Variants in SIAH3 observed in about 807,000 individuals in gnomAD.
SIAH3 encodes the protein siah E3 ubiquitin protein ligase family member 3.
SIAH3 carries 9 observed loss-of-function variants against 12.6 expected under a neutral mutation model. The observed-to-expected ratio is 0.72, with a 90% CI of 0.43 to 1.25. The LOEUF is 1.25. Ranked by LOEUF, SIAH3 falls within the 50% of genes most tolerant of loss-of-function variation. SIAH3 has a pLI of 0.00. For synonymous variants in SIAH3, 154 were observed against 151.1 expected (o/e 1.02, Z -0.14); for missense variants, 390 against 365.4 (o/e 1.07, Z -0.55).
At chr13:45,801,179 G>A (rs1950581302) in intron 1 of SIAH3, among the ~76,000 whole-genome samples, 1 of 151,964 alleles carries the variant, frequency 6.6e-6, no homozygotes, top group African/African-American at 2.4e-5. Context: ...ATATGCTTTT[G>A]CAATATATGT....
At chr13:45,837,882 G>A (rs1017070653) in intron 1 of SIAH3, among the ~76,000 whole-genome samples, 1 of 152,192 alleles carries the variant, frequency 6.6e-6, no homozygotes, top group African/African-American at 2.4e-5. Flanking sequence ...CCAACATGTT[G>A]AGAAGTGTTT....
At chr13:45,800,952 T>A (rs150590322) in intron 1 of SIAH3, among the ~76,000 whole-genome samples, 378 of 152,242 alleles carry the variant, frequency 2.5e-3, no homozygotes, top group Non-Finnish European at 4.0e-3. Context: ...AAACCTCGCT[T>A]CCACAATGAT....
intron 1 of SIAH3, among the ~76,000 whole-genome samples, chr13:45,835,466 C>T (rs1439452223): frequency 6.6e-6 from 1 of 152,148 alleles, no homozygotes; most frequent in Non-Finnish European, 1.5e-5. Flanking sequence ...CAGCTAACAT[C>T]TGTATAGCAT....
intron 1 of SIAH3, among the ~76,000 whole-genome samples, chr13:45,831,115 G>T (rs1368558080): frequency 6.6e-6 from 1 of 151,882 alleles, no homozygotes; most frequent in Non-Finnish European, 1.5e-5. Context: ...GGAGGTGGGG[G>T]TTGCAGTGAG....
intron 1 of SIAH3, among the ~76,000 whole-genome samples, chr13:45,810,932 C>T (rs572594192): frequency 1.3e-5 from 2 of 152,272 alleles, no homozygotes; most frequent in South Asian, 4.2e-4. Flanking sequence ...CTTGCATACC[C>T]ATATCTGTTG....
intron 1 of SIAH3, among the ~76,000 whole-genome samples, chr13:45,784,658 G>A (rs1023206168): frequency 1.3e-4 from 20 of 152,008 alleles, no homozygotes; most frequent in African/African-American, 4.8e-4. Flanking sequence ...GAGAGTCCCC[G>A]CTGTGACTCC....
intron 1 of SIAH3, among the ~76,000 whole-genome samples, chr13:45,801,920 A>G (rs1411809781): frequency 6.6e-6 from 1 of 152,192 alleles, no homozygotes; most frequent in East Asian, 1.9e-4. Context: ...ATGCTGATTC[A>G]CTGGAGGACA....
At chr13:45,831,756 C>T (rs1280645047) in intron 1 of SIAH3, among the ~76,000 whole-genome samples, 1 of 152,218 alleles carries the variant, frequency 6.6e-6, no homozygotes, top group Admixed American at 6.5e-5. Context: ...TCATGTGTCT[C>T]TTCACCCAAC....
rs951278626 is a variant in SIAH3, at chr13:45,826,189, T to G, written c.135+25306A>C. On this transcript the variant is annotated intron_variant, in intron 1 of 1. Coordinates refer to ENST00000400405, the MANE Select transcript of SIAH3 (RefSeq NM_198849.3). ...TTTAACATTACCTGATATATTTATTTACTTATTATCATTTTCTTCTTCTCT... is the reference window on the plus strand; with the variant it reads ...TTTAACATTACCTGATATATTTATTGACTTATTATCATTTTCTTCTTCTCT... 5.9e-4 allele frequency among the ~76,000 whole-genome samples: 90 copies of G among 152,350 alleles called. 1 individual carries two copies. The highest frequency in any genetic ancestry group is 6.8e-3 in the Middle Eastern group (2 of 294).
chr13:45,796,609 G>C (rs1950563623), intron 1 of SIAH3, among the ~76,000 whole-genome samples: 1 of 152,236 alleles, frequency 6.6e-6, no homozygotes. Context: ...ACCATGCCTG[G>C]AGTGGCACAG....
chr13:45,849,914 G>C (rs973215340), intron 1 of SIAH3, among the ~76,000 whole-genome samples: 8 of 152,112 alleles, frequency 5.3e-5, no homozygotes, highest in Non-Finnish European at 7.4e-5. Context: ...AAAAAATAAT[G>C]GAAGTTTGAA....
At chr13:45,824,891 A>AT (rs549049491) in intron 1 of SIAH3, among the ~76,000 whole-genome samples, 1 of 134,606 alleles carries the variant, frequency 7.4e-6, no homozygotes, top group Admixed American at 7.4e-5. Flanking sequence ...AAAAAAAACA[A>AT]AAAAAACAAA....
chr13:45,850,451 C>A (rs1378500869), intron 1 of SIAH3, among the ~76,000 whole-genome samples: 2 of 152,198 alleles, frequency 1.3e-5, no homozygotes, highest in African/African-American at 4.8e-5. Flanking sequence ...GCCCCTCCCC[C>A]GGCACTCAGT....
chr13:45,836,064 A>G (rs1487008117), intron 1 of SIAH3, among the ~76,000 whole-genome samples: 2 of 152,304 alleles, frequency 1.3e-5, no homozygotes, highest in South Asian at 2.1e-4. Flanking sequence ...GGTACTCACC[A>G]TCTGATAGGG....
At chr13:45,833,732 G>A (rs1593386997) in intron 1 of SIAH3, among the ~76,000 whole-genome samples, 1 of 152,090 alleles carries the variant, frequency 6.6e-6, no homozygotes, top group Admixed American at 6.5e-5. Context: ...CTCAGAAAGG[G>A]GACATGACCT....
At chr13:45,794,910 T>C (rs1389145713) in intron 1 of SIAH3, among the ~76,000 whole-genome samples, 2 of 151,422 alleles carry the variant, frequency 1.3e-5, no homozygotes, top group Non-Finnish European at 2.9e-5. Context: ...CTAATGTCCT[T>C]CCACGTTTCC....
chr13:45,805,757 C>T (rs1330725263), intron 1 of SIAH3, among the ~76,000 whole-genome samples: 2 of 152,100 alleles, frequency 1.3e-5, no homozygotes, highest in Non-Finnish European at 2.9e-5. Context: ...AGCTTCTGCA[C>T]AGCAAAAGAA....
At chr13:45,839,338 GA>G (rs1950730937) in intron 1 of SIAH3, among the ~76,000 whole-genome samples, 1 of 151,944 alleles carries the variant, frequency 6.6e-6, no homozygotes, top group Non-Finnish European at 1.5e-5. Flanking sequence ...TCCACTGTTA[GA>G]TAATGACAAG....
intron 1 of SIAH3, among the ~76,000 whole-genome samples, chr13:45,826,418 T>C: frequency 1.0e-5 from 1 of 96,450 alleles, no homozygotes; most frequent in Non-Finnish European, 1.9e-5. Flanking sequence ...GATGGATGGA[T>C]GGATGGATGG....
Sources: gnomAD v4.1 joint callset for allele counts (sites outside exome capture counted in the v4.1 genomes callset) on GRCh38, gnomAD v4.1.1 for gene constraint, MANE v1.5 for transcripts, NCBI Gene and HGNC (gene_info 2026-07-23, HGNC 2026-07-21) for gene names.